Variants in CCDC3 observed in about 807,000 individuals in gnomAD.
CCDC3 encodes the protein coiled-coil domain-containing protein 3.
CCDC3 carries 24 observed loss-of-function variants against 21.4 expected under a neutral mutation model. The ratio of observed to expected loss-of-function variants is 1.12; its 90% CI spans 0.81 to 1.58. CCDC3 has a LOEUF of 1.58. CCDC3 is among the 40% of genes most tolerant of loss of function. The pLI, the probability that CCDC3 is intolerant of heterozygous loss-of-function variation, is 0.00. For synonymous variants in CCDC3, 186 were observed against 166.0 expected, an observed-to-expected ratio of 1.12 and a Z score of -0.93; for missense variants, 425 against 360.9, an observed-to-expected ratio of 1.18 and a Z score of -1.44.
intron 2 of CCDC3, among the ~76,000 whole-genome samples, chr10:12,973,850 GTGA>G (rs1469369746): frequency 5.3e-5 from 8 of 152,228 alleles, no homozygotes; most frequent in Non-Finnish European, 8.8e-5. Context: ...CACAAGTAGT[GTGA>G]TGTGGTTTTT....
chr10:13,003,807 T>C (rs1013218658), upstream of CCDC3, among the ~76,000 whole-genome samples: 1 of 152,236 alleles, frequency 6.6e-6, no homozygotes, highest in Non-Finnish European at 1.5e-5. Flanking sequence ...TTTTTTCTCT[T>C]GTTGTATAAA....
chr10:12,901,080 C>T (rs186669795), intron 2 of CCDC3, among the ~76,000 whole-genome samples: 2 of 152,260 alleles, frequency 1.3e-5, no homozygotes, highest in Admixed American at 6.5e-5. Context: ...ACCAAGGCCC[C>T]TCATCCCAAC....
intron 3 of CCDC3, among the ~76,000 whole-genome samples, chr10:13,089,918 A>G (rs1177331194): frequency 6.7e-6 from 1 of 148,874 alleles, no homozygotes; most frequent in Non-Finnish European, 1.5e-5. Flanking sequence ...AGAACATACG[A>G]TGTTTGGTTT....
chr10:12,910,691 C>A (rs1251532474), intron 2 of CCDC3, among the ~76,000 whole-genome samples: 2 of 149,998 alleles, frequency 1.3e-5, no homozygotes, highest in African/African-American at 4.9e-5. Context: ...CTCACTGCAA[C>A]CTCCACCTAC....
intron 2 of CCDC3, among the ~76,000 whole-genome samples, chr10:12,984,932 T>C (rs879817585): frequency 6.6e-6 from 1 of 152,088 alleles, no homozygotes; most frequent in Non-Finnish European, 1.5e-5. Context: ...GTAAAATGGA[T>C]CTGGGGTTTC....
chr10:12,923,902 C>G (rs572160282), intron 2 of CCDC3, among the ~76,000 whole-genome samples: 1 of 152,250 alleles, frequency 6.6e-6, no homozygotes, highest in Non-Finnish European at 1.5e-5. Context: ...GAACTCGACA[C>G]TCCAACCCTG....
At chr10:12,962,257 C>G (rs1290768621) in intron 2 of CCDC3, among the ~76,000 whole-genome samples, 1 of 152,144 alleles carries the variant, frequency 6.6e-6, no homozygotes, top group Non-Finnish European at 1.5e-5. Flanking sequence ...AGTAAGCCCC[C>G]AAATCTCAAG....
chr10:12,918,577 C>T (rs1834395019), intron 2 of CCDC3, among the ~76,000 whole-genome samples: 1 of 152,152 alleles, frequency 6.6e-6, no homozygotes, highest in Admixed American at 6.5e-5. Flanking sequence ...CATTACCTAT[C>T]TAGAAAAATA....
At chr10:12,911,798 A>G (rs1031132941) in intron 2 of CCDC3, among the ~76,000 whole-genome samples, 1 of 152,224 alleles carries the variant, frequency 6.6e-6, no homozygotes, top group East Asian at 1.9e-4. Flanking sequence ...CCCTTTGAAC[A>G]GCATCTTCCA....
At chr10:12,899,115 G>A (rs565451578) in intron 2 of CCDC3, among the ~76,000 whole-genome samples, 1 of 151,782 alleles carries the variant, frequency 6.6e-6, no homozygotes, top group East Asian at 1.9e-4. Flanking sequence ...ATGCTGGCCT[G>A]TCCAACTGAA....
At chr10:12,992,954 A>G (rs932954251) in intron 2 of CCDC3, among the ~76,000 whole-genome samples, 7 of 152,284 alleles carry the variant, frequency 4.6e-5, no homozygotes, top group Non-Finnish European at 5.9e-5. Context: ...TCAATACACT[A>G]TATTTTTAAA....
chr10:12,939,815 G>A (rs991480078), intron 2 of CCDC3, among the ~76,000 whole-genome samples: 10 of 152,180 alleles, frequency 6.6e-5, no homozygotes, highest in African/African-American at 1.2e-4. Flanking sequence ...TTAAGAGTCA[G>A]AGTAACAACA....
At chr10:12,923,651 G>A (rs35535906) in intron 2 of CCDC3, among the ~76,000 whole-genome samples, 11,450 of 152,134 alleles carry the variant, frequency 0.075, 602 homozygotes, top group South Asian at 0.11. Context: ...TGGGATATGC[G>A]TCCCGGTCAT....
chr10:13,068,576 T>G (rs987711521), intron 4 of CCDC3, among the ~76,000 whole-genome samples: 1 of 152,192 alleles, frequency 6.6e-6, no homozygotes, highest in African/African-American at 2.4e-5. Flanking sequence ...TGCTAAATGT[T>G]TTAAGGTTAT....
intron 5 of CCDC3, among the ~76,000 whole-genome samples, chr10:13,023,939 G>T (rs924777735): frequency 6.6e-6 from 1 of 152,084 alleles, no homozygotes; most frequent in African/African-American, 2.4e-5. Context: ...TACTCAAAAA[G>T]GTTGAAAATG....
At chr10:12,903,442 C>T (rs75350309) in intron 2 of CCDC3, among the ~76,000 whole-genome samples, 1,635 of 152,316 alleles carry the variant, frequency 0.011, 29 homozygotes, top group African/African-American at 0.037. Context: ...GGTCCAGATA[C>T]GCTATTTGCT....
At position 12,971,957 on chromosome 10, in the gene CCDC3, G is replaced by A. The variant is rs147855588; in HGVS notation, c.549+26381C>T. Among the ~76,000 whole-genome samples the A allele has an allele frequency of 3.3e-3, 502 of 152,062 alleles. 2 individuals are homozygous for A. Among genetic ancestry groups the A allele is most frequent in the Middle Eastern group, 0.027 (8 of 294 alleles). ...CCACCTCAGCCTCCCAAAGTGCTGC[G>A]ATTACAGGTGTGAGCCACCATGCCC... is the stretch of plus-strand genomic sequence containing the variant. On this transcript the variant is annotated intron_variant, in intron 2 of 2. Transcript: ENST00000378825.
chr10:12,914,433 A>G (rs1200087153), intron 2 of CCDC3, among the ~76,000 whole-genome samples: 1 of 151,374 alleles, frequency 6.6e-6, no homozygotes, highest in Non-Finnish European at 1.5e-5. Flanking sequence ...CTCCTCTTTC[A>G]TTTCTGATTT....
At chr10:13,050,651 G>C (rs1443822712) in intron 4 of CCDC3, among the ~76,000 whole-genome samples, 1 of 151,832 alleles carries the variant, frequency 6.6e-6, no homozygotes, top group Non-Finnish European at 1.5e-5. Context: ...AGTAGAGACG[G>C]GGTTTCACCA....
Sources: gnomAD v4.1 joint callset for allele counts (sites outside exome capture counted in the v4.1 genomes callset) on GRCh38, gnomAD v4.1.1 for gene constraint, MANE v1.5 for transcripts, NCBI Gene and HGNC (gene_info 2026-07-23, HGNC 2026-07-21) for gene names.